The following ATP6V0A4 variants were observed in gnomAD, a reference collection of about 807,000 sequenced individuals.
The protein encoded by ATP6V0A4 is ATPase H+ transporting V0 subunit a4.
ATP6V0A4 carries 86 observed loss-of-function variants against 107.3 expected under a neutral mutation model. That is an observed-to-expected ratio of 0.80 (90% confidence interval 0.67 to 0.96). The LOEUF is 0.96. Among genes scored for constraint, ATP6V0A4 ranks in the 40% least tolerant of loss-of-function variants. The pLI is 0.00. For missense variants in ATP6V0A4, 908 were observed against 1,045.6 expected (o/e 0.87, Z 1.81); for synonymous variants, 353 against 381.4 (o/e 0.93, Z 0.87).
intron 18 of ATP6V0A4, among the ~76,000 whole-genome samples, chr7:138,725,520 T>C (rs890568688): frequency 6.6e-6 from 1 of 152,002 alleles, no homozygotes; most frequent in African/African-American, 2.4e-5. Context: ...AAAAACTTTT[T>C]TTTTTTTTGA....
In ATP6V0A4 at chr7:138,711,477, G is replaced by T. The variant is rs1016144413; in HGVS notation, c.2258-1682C>A. On this transcript the variant is annotated intron_variant, in intron 20 of 21. Coordinates refer to ENST00000310018, the MANE Select transcript of ATP6V0A4 (RefSeq NM_020632.3). ...TACATCCTTGGCTTGAGATTTGAAG[G>T]CCCCTGCTAAAAGGTCACAATGATG... 4.6e-5 allele frequency among the ~76,000 whole-genome samples: 7 copies of T among 152,090 alleles called. No individual in the cohort carries two copies. The South Asian group carries it at 1.0e-3, about 23-fold the overall frequency.
intron 21 of ATP6V0A4, among the ~76,000 whole-genome samples, chr7:138,708,799 C>T (rs1803581583): frequency 6.6e-6 from 1 of 152,204 alleles, no homozygotes; most frequent in African/African-American, 2.4e-5. Flanking sequence ...ATTCACTGGG[C>T]GCAGTGGCTC....
intron 18 of ATP6V0A4, among the ~76,000 whole-genome samples, chr7:138,726,462 A>G (rs535577198): frequency 6.6e-6 from 1 of 152,218 alleles, no homozygotes; most frequent in East Asian, 1.9e-4. Context: ...CCCACGGGGC[A>G]TGTCACCAGG....
intron 16 of ATP6V0A4, among the ~76,000 whole-genome samples, chr7:138,733,864 C>G (rs2117241934): frequency 6.6e-6 from 1 of 152,248 alleles, no homozygotes; most frequent in East Asian, 1.9e-4. Flanking sequence ...GTGTGAGACA[C>G]CGCACCTGGC....
chr7:138,752,872 C>T (rs772490019), intron 10 of ATP6V0A4, 35 bp from the exon 11 acceptor site: 5 of 1,610,202 alleles, frequency 3.1e-6, no homozygotes, highest in African/African-American at 2.7e-5. Flanking sequence ...AAACAGAGAA[C>T]CTTCACAGAG....
At position 138,762,298 on chromosome 7, in the gene ATP6V0A4, G is replaced by A. The variant is rs371168414; in HGVS notation, c.512+42C>T. The stretch of plus-strand genomic sequence containing the variant: ...TCATTCACTCACTCAGAAATCACTC[G>A]CCAGGACCAGGGACCCATCTACACA... On this transcript the variant is annotated intron_variant, in intron 7 of 21. Transcript: ENST00000310018. 51 of 1,603,274 alleles carry A rather than the reference G, an allele frequency of 3.2e-5. 2 individuals are homozygous for A. In the South Asian group the frequency reaches 4.0e-4, roughly 12 times the overall value.
At chr7:138,732,170 T>C (rs1805053764) in intron 17 of ATP6V0A4, among the ~76,000 whole-genome samples, 1 of 152,190 alleles carries the variant, frequency 6.6e-6, no homozygotes, top group Admixed American at 6.5e-5. Flanking sequence ...TCAATTATTA[T>C]TCTTGTTAAT....
At chr7:138,715,707 C>T in intron 20 of ATP6V0A4, 57 bp downstream of exon 20, 1 of 1,586,918 alleles carries the variant, frequency 6.3e-7, no homozygotes. Flanking sequence ...TACATGGCAC[C>T]TATTTCCTGG....
chr7:138,713,028 C>A (rs3778699), intron 20 of ATP6V0A4, among the ~76,000 whole-genome samples: 5,369 of 152,004 alleles, frequency 0.035, 151 homozygotes, highest in South Asian at 0.13. Context: ...CGGTGGCTCA[C>A]GCCTGTAATT....
chr7:138,736,091 A>AACAAATAG (rs111243203), intron 15 of ATP6V0A4, among the ~76,000 whole-genome samples: 1 of 151,962 alleles, frequency 6.6e-6, no homozygotes, highest in African/African-American at 2.4e-5. Context: ...CAAACAAACA[A>AACAAATAG]AAATTAGCCC....
At chr7:138,715,308 T>C (rs1400987539) in intron 20 of ATP6V0A4, among the ~76,000 whole-genome samples, 1 of 152,126 alleles carries the variant, frequency 6.6e-6, no homozygotes, top group African/African-American at 2.4e-5. Flanking sequence ...TTCAAGCAAT[T>C]CTCCTGCTTC....
chr7:138,748,344 GAGA>G (rs1370600844), intron 12 of ATP6V0A4, among the ~76,000 whole-genome samples: 3 of 152,140 alleles, frequency 2.0e-5, no homozygotes, highest in African/African-American at 7.2e-5. Flanking sequence ...CCTCAGGCTG[GAGA>G]AGAACAATCA....
chr7:138,756,275 A>G lies in ATP6V0A4; in HGVS notation c.722+183T>C, dbSNP rs554311561. ...GTTACCCTCACATTTTGCATATTCA[A>G]GTTCTCCCTATTCATATTCTTACAA... On this transcript the variant is annotated intron_variant, in intron 9 of 21. Transcript: ENST00000310018. 1.1e-4 allele frequency among the ~76,000 whole-genome samples: 17 copies of G among 152,332 alleles called. No individual in the cohort carries two copies. The East Asian group carries it at 3.3e-3, about 29-fold the overall frequency.
intron 2 of ATP6V0A4, among the ~76,000 whole-genome samples, chr7:138,783,657 G>A (rs571642962): frequency 1.7e-4 from 26 of 152,162 alleles, no homozygotes; most frequent in African/African-American, 5.5e-4. Flanking sequence ...GCTCGGGAGT[G>A]CAAGGCCACA....
At chr7:138,756,600 T>C (rs1806528721) in intron 8 of ATP6V0A4, 60 bp from the exon 9 acceptor site, 1 of 1,571,974 alleles carries the variant, frequency 6.4e-7, no homozygotes, top group Non-Finnish European at 8.7e-7. Flanking sequence ...TAAAACATAA[T>C]AGAGAGAAAT....
chr7:138,714,178 C>T (rs370625130), intron 20 of ATP6V0A4, among the ~76,000 whole-genome samples: 1 of 145,254 alleles, frequency 6.9e-6, no homozygotes, highest in South Asian at 2.3e-4. Flanking sequence ...CCTGGGAGTT[C>T]GAGGCCGTGA....
At chr7:138,746,483 A>G (rs1805955744) in intron 13 of ATP6V0A4, among the ~76,000 whole-genome samples, 1 of 151,804 alleles carries the variant, frequency 6.6e-6, no homozygotes, top group African/African-American at 2.4e-5. Flanking sequence ...TAATTAATTC[A>G]ACCTGTAATA....
chr7:138,797,965 C>G (rs1808765042), intron 1 of ATP6V0A4, 69 bp downstream of exon 1: 2 of 1,540,916 alleles, frequency 1.3e-6, no homozygotes, highest in Non-Finnish European at 1.7e-6. Context: ...GTGTTTCCCC[C>G]AAACACCCAG....
rs780991800 is a variant in ATP6V0A4, at chr7:138,721,919, G to A, written c.2117C>T (p.Ala706Val). The change falls in exon 19 of 22, where the codon GCT becomes GTT. Residue 706 changes from alanine to valine, a missense_variant. Coordinates refer to ENST00000310018, the MANE Select transcript of ATP6V0A4 (RefSeq NM_020632.3). ...TACCTCTTCTCCATGGTCGTCCAGA[G>A]CCCCGTGGGTATCTGCAGAAGTCCT... ...GQRTSADTHG[A>V]LDDHGEEFNF... is the part of the protein sequence containing the mutation. 2.5e-6 allele frequency: 4 copies of A among 1,614,114 alleles called. No homozygotes were observed. The highest frequency in any genetic ancestry group is 3.4e-6 in the Non-Finnish European group (4 of 1,180,020).
Sources: gnomAD v4.1 joint callset for allele counts (sites outside exome capture counted in the v4.1 genomes callset) on GRCh38, gnomAD v4.1.1 for gene constraint, MANE v1.5 for transcripts, NCBI Gene and HGNC (gene_info 2026-07-23, HGNC 2026-07-21) for gene names.